The following ARHGEF38 variants were observed in gnomAD, a reference collection of about 807,000 sequenced individuals.
The protein encoded by ARHGEF38 is Rho guanine nucleotide exchange factor 38.
In ARHGEF38, 79 loss-of-function variants were observed where a neutral mutation model predicts 79.9. The ratio of observed to expected loss-of-function variants is 0.99; its 90% CI spans 0.82 to 1.19. The LOEUF (loss-of-function observed/expected upper bound fraction) is 1.19. ARHGEF38 is among the 50% of genes most tolerant of loss of function. ARHGEF38 has a pLI of 0.00. For missense variants in ARHGEF38, 962 were observed against 907.2 expected, an observed-to-expected ratio of 1.06 and a Z score of -0.78; for synonymous variants, 366 against 328.3, an observed-to-expected ratio of 1.11 and a Z score of -1.24.
At position 105,659,138 on chromosome 4, in the gene ARHGEF38, C is replaced by T. The variant is rs752087237; in HGVS notation, c.1318C>T (p.Arg440Cys). Reference protein sequence around the residue: ...FPGPHKLIQKRYDKLLDCNSY... With the variant: ...FPGPHKLIQKCYDKLLDCNSY... ...AGGGCCTCACAAGCTCATCCAGAAA[C>T]GCTATGACAAACTGCTGGATTGCAA... The change falls in exon 10 of 14, where the codon CGC becomes TGC. Residue 440 changes from arginine to cysteine, a missense_variant. Coordinates refer to ENST00000420470, the MANE Select transcript of ARHGEF38 (RefSeq NM_001242729.2). The T allele has an allele frequency of 6.5e-5, 100 of 1,536,040 alleles. No individual in the cohort carries two copies. Among genetic ancestry groups the T allele is most frequent in the Non-Finnish European group, 8.3e-5 (95 of 1,146,896 alleles).
In ARHGEF38 at chr4:105,645,074, TA is replaced by T. The variant is rs1196049792; in HGVS notation, c.675-113del. ...TGCTTTTATTTAGAAATTTTAGATA[TA>T]CAAATGAAAAAAAGAGAAAATGTTT... On this transcript the variant is annotated intron_variant, in intron 5 of 13. Coordinates refer to ENST00000420470, the MANE Select transcript of ARHGEF38 (RefSeq NM_001242729.2). The T allele has an allele frequency of 4.6e-6, 4 of 873,056 alleles. No homozygotes were observed. In the East Asian group the frequency reaches 1.2e-4, roughly 27 times the overall value. The allele number at this position is 873,056 out of a possible 1,614,324, so 54.1% of individuals were successfully genotyped here.
At chr4:105,608,268 T>C (rs537554786) in intron 2 of ARHGEF38, among the ~76,000 whole-genome samples, 8 of 152,234 alleles carry the variant, frequency 5.3e-5, no homozygotes, top group African/African-American at 1.9e-4. Flanking sequence ...TTCTAACAAG[T>C]ATGTGGTCAT....
At chr4:105,576,927 G>T (rs139940966) in intron 1 of ARHGEF38, among the ~76,000 whole-genome samples, 2 of 151,978 alleles carry the variant, frequency 1.3e-5, no homozygotes, top group African/African-American at 4.8e-5. Flanking sequence ...ATATTGACTC[G>T]TATATGTTTA....
chr4:105,652,833 G>C (rs895113479), intron 7 of ARHGEF38, among the ~76,000 whole-genome samples: 4 of 152,164 alleles, frequency 2.6e-5, no homozygotes, highest in African/African-American at 9.7e-5. Flanking sequence ...GAACTCTGCT[G>C]CCTATTTAAT....
At chr4:105,660,988 T>C (rs1180766084) in intron 10 of ARHGEF38, among the ~76,000 whole-genome samples, 2 of 152,196 alleles carry the variant, frequency 1.3e-5, no homozygotes, top group African/African-American at 2.4e-5. Context: ...CCACATTTTT[T>C]CCTAACCTCC....
At chr4:105,638,813 C>T (rs541202832) in intron 5 of ARHGEF38, among the ~76,000 whole-genome samples, 2 of 152,036 alleles carry the variant, frequency 1.3e-5, no homozygotes, top group Non-Finnish European at 2.9e-5. Context: ...GCATAATATT[C>T]TGTCTGATAT....
chr4:105,586,910 C>G (rs1326803535), intron 1 of ARHGEF38, among the ~76,000 whole-genome samples: 1 of 150,122 alleles, frequency 6.7e-6, no homozygotes, highest in Non-Finnish European at 1.5e-5. Context: ...GTCTCCCCCA[C>G]CCCCACCCAA....
intron 13 of ARHGEF38, among the ~76,000 whole-genome samples, 197 bp downstream of exon 13, chr4:105,667,900 A>G (rs1467193079): frequency 2.0e-5 from 3 of 152,226 alleles, no homozygotes; most frequent in Non-Finnish European, 4.4e-5. Context: ...GCAAAGAATT[A>G]GAGATAAAGT....
chr4:105,677,630 C>A (rs1219690494), intron 13 of ARHGEF38, 122 bp from the exon 14 acceptor site: 2 of 800,120 alleles, frequency 2.5e-6, no homozygotes, highest in African/African-American at 3.4e-5. Context: ...AGGAGTTGGA[C>A]AATGTGACTT....
intron 3 of ARHGEF38, among the ~76,000 whole-genome samples, chr4:105,613,997 CT>C (rs1008104855): frequency 2.0e-5 from 3 of 151,966 alleles, no homozygotes; most frequent in South Asian, 4.2e-4. Flanking sequence ...TTCATGCTCT[CT>C]TTTTTTCTGT....
intron 1 of ARHGEF38, among the ~76,000 whole-genome samples, chr4:105,587,355 C>T (rs375259511): frequency 6.6e-6 from 1 of 152,174 alleles, no homozygotes; most frequent in African/African-American, 2.4e-5. Context: ...CCCAAATTCT[C>T]ATAATATAGA....
Position 105,679,816 on chromosome 4 carries a change from G to A in ARHGEF38, c.*1879G>A, listed in dbSNP as rs1731249526. Reference sequence around the variant, plus strand: ...CTTTACCCACGCATCCAGAGAGATGGATATAGGACTCAATATCCTGAGGAG... The same window carrying A: ...CTTTACCCACGCATCCAGAGAGATGAATATAGGACTCAATATCCTGAGGAG... On this transcript the variant is annotated 3_prime_UTR_variant, in exon 14 of 14. Coordinates refer to ENST00000420470, the MANE Select transcript of ARHGEF38 (RefSeq NM_001242729.2). 15 of 1,221,968 alleles carry A rather than the reference G, an allele frequency of 1.2e-5. No individual in the cohort carries two copies. The highest frequency in any genetic ancestry group is 1.1e-4 in the South Asian group (9 of 82,632). The allele number at this position is 1,221,968 out of a possible 1,614,324, so 75.7% of individuals were successfully genotyped here.
At chr4:105,567,921 T>C (rs1193029309) in intron 1 of ARHGEF38, among the ~76,000 whole-genome samples, 1 of 122,214 alleles carries the variant, frequency 8.2e-6, no homozygotes, top group African/African-American at 3.1e-5. Flanking sequence ...CCCAGTGCTA[T>C]CCCTCCCCCC....
intron 9 of ARHGEF38, among the ~76,000 whole-genome samples, chr4:105,656,051 C>CTTTTTCT (rs1452632990): frequency 6.6e-6 from 1 of 152,064 alleles, no homozygotes; most frequent in African/African-American, 2.4e-5. Context: ...CTTTGCTTTT[C>CTTTTTCT]TTTTTCTTTT....
chr4:105,646,231 A>T (rs192811004), intron 6 of ARHGEF38, among the ~76,000 whole-genome samples: 13 of 152,358 alleles, frequency 8.5e-5, no homozygotes, highest in Admixed American at 6.5e-4. Flanking sequence ...AGAAAGGTGT[A>T]GAATAAAAAG....
intron 7 of ARHGEF38, among the ~76,000 whole-genome samples, chr4:105,649,136 T>C (rs1017462589): frequency 6.6e-6 from 1 of 152,114 alleles, no homozygotes; most frequent in African/African-American, 2.4e-5. Flanking sequence ...AAACAAAGTG[T>C]TTAGAGGCAT....
intron 1 of ARHGEF38, among the ~76,000 whole-genome samples, chr4:105,556,813 T>C (rs371769165): frequency 2.6e-5 from 4 of 152,248 alleles, no homozygotes; most frequent in African/African-American, 9.6e-5. Flanking sequence ...ATAAGAGCCA[T>C]TGTATTTATC....
rs1481193608 is a variant in ARHGEF38, at chr4:105,659,189, G to GAGGAGTCAGACTTGGCC, written c.1371_1387dup (p.Lys463ArgfsTer33). On this transcript the variant is annotated frameshift_variant, in exon 10 of 14. Transcript: ENST00000420470. LOFTEE classifies it high-confidence loss of function. ...CAGCTACCTGCAGCGATCAACGGGA[G>GAGGAGTCAGACTTGGCC]AGGAGTCAGACTTGGCCAAAAAGGA... is the stretch of plus-strand genomic sequence containing the variant. 2 of 1,536,154 alleles carry GAGGAGTCAGACTTGGCC rather than the reference G, an allele frequency of 1.3e-6. No homozygotes were observed. Among genetic ancestry groups the GAGGAGTCAGACTTGGCC allele is most frequent in the Non-Finnish European group, 1.7e-6 (2 of 1,146,882 alleles).
At chr4:105,661,087 G>T (rs1273395938) in intron 10 of ARHGEF38, among the ~76,000 whole-genome samples, 1 of 152,122 alleles carries the variant, frequency 6.6e-6, no homozygotes, top group Non-Finnish European at 1.5e-5. Flanking sequence ...TACAGTACAT[G>T]GTTATTTGTG....
Sources: allele counts gnomAD v4.1 joint callset (sites outside exome capture counted in the v4.1 genomes callset), GRCh38; gene constraint gnomAD v4.1.1; transcripts MANE v1.5; gene names NCBI Gene and HGNC (gene_info 2026-07-23, HGNC 2026-07-21).